TMPRSS3: variants seen among roughly 807,000 people sequenced by gnomAD.
TMPRSS3 encodes the protein transmembrane protease serine 3.
TMPRSS3 carries 55 observed loss-of-function variants against 59.6 expected under a neutral mutation model. The observed-to-expected ratio is 0.92, with a 90% CI of 0.74 to 1.16. The LOEUF (loss-of-function observed/expected upper bound fraction) is 1.16. Ranked by LOEUF, TMPRSS3 falls within the 50% of genes most tolerant of loss-of-function variation. The pLI is 0.00. For synonymous variants in TMPRSS3, 257 were observed against 237.7 expected (o/e 1.08, Z -0.75); for missense variants, 596 against 579.4 (o/e 1.03, Z -0.29).
chr21:42,395,314 G>A lies in TMPRSS3; in HGVS notation c.94+10C>T, dbSNP rs758465801. Reference sequence around the variant, plus strand: ...CAGAAATCACAGAGTCCTCACCTGGGTCCACTTACCTGGTGCAACAGGACT... The same window carrying A: ...CAGAAATCACAGAGTCCTCACCTGGATCCACTTACCTGGTGCAACAGGACT... On this transcript the variant is annotated intron_variant, in intron 2 of 12. Coordinates refer to ENST00000644384, the MANE Select transcript of TMPRSS3 (RefSeq NM_001256317.3). 6.2e-7 allele frequency: 1 copy of A among 1,611,646 alleles called. No individual in the cohort carries two copies. The highest frequency in any genetic ancestry group is 8.5e-7 in the Non-Finnish European group (1 of 1,178,334).
rs771866484 is a variant in TMPRSS3 at position 42,395,969 on chromosome 21, T to C, written c.-79A>G. 37 of 518,896 alleles carry C rather than the reference T, an allele frequency of 7.1e-5. No homozygotes were observed. The highest frequency in any genetic ancestry group is 1.3e-4 in the Non-Finnish European group (34 of 259,882). The allele number at this position is 518,896 out of a possible 1,614,324, so 32.1% of individuals were successfully genotyped here. ...AATTCCCGAGTCCCAAAAATGTAGA[T>C]GGCACCACGGAAGAGATAGTAGGCC... On this transcript the variant is annotated 5_prime_UTR_variant, in exon 1 of 13. Transcript: ENST00000644384.
At chr21:42,385,370 C>T (rs1458309516) in intron 6 of TMPRSS3, 39 bp downstream of exon 6, 7 of 1,612,806 alleles carry the variant, frequency 4.3e-6, no homozygotes, top group Middle Eastern at 1.7e-4. Context: ...GCAGGTGACT[C>T]GATACCTGTG....
chr21:42,380,417 G>T (rs909047035), intron 9 of TMPRSS3, among the ~76,000 whole-genome samples: 21 of 152,080 alleles, frequency 1.4e-4, no homozygotes, highest in Non-Finnish European at 2.4e-4. Flanking sequence ...CTGTAAAAGA[G>T]CCCTCCACCG....
rs1240328444 is a variant in TMPRSS3 at position 42,375,824 on chromosome 21, C to T, written c.1236G>A (p.Trp412Ter). The T allele has an allele frequency of 6.2e-7, 1 of 1,613,962 alleles. No homozygotes were observed. Among genetic ancestry groups the T allele is most frequent in the African/African-American group, 1.3e-5 (1 of 75,046 alleles). The change falls in exon 12 of 13, where the codon TGG (tryptophan) becomes TGA (stop). Residue 412 changes from tryptophan (W) to a stop codon, truncating the protein, a stop_gained. Coordinates refer to ENST00000644384, the MANE Select transcript of TMPRSS3 (RefSeq NM_001256317.3). LOFTEE classifies it high-confidence loss of function. ...CAAAGCTGGTCGCTCCCACTAACTT[C>T]CACAGCCTCCTCTCTTGACACACCA... is the stretch of plus-strand genomic sequence containing the variant. ...GPLVCQERRL[W>*]KLVGATSFGI...
At chr21:42,380,268 C>A (rs1274260929) in intron 9 of TMPRSS3, 56 bp from the exon 10 acceptor site, 1 of 1,428,820 alleles carries the variant, frequency 7.0e-7, no homozygotes, top group East Asian at 2.3e-5. Context: ...TCCGAGAAAA[C>A]AATCTCATCT....
At chr21:42,389,293 T>C (rs749487684) in intron 3 of TMPRSS3, 34 of 263,550 alleles carry the variant, frequency 1.3e-4, no homozygotes, top group Admixed American at 2.6e-4. Context: ...AAGGTGAATT[T>C]AGACTCTGGA....
At chr21:42,376,495 G>A in intron 11 of TMPRSS3, 46 bp downstream of exon 11, 1 of 1,610,208 alleles carries the variant, frequency 6.2e-7, no homozygotes, top group Non-Finnish European at 8.5e-7. Flanking sequence ...TGTCCCAAGG[G>A]CTGGGTCACC....
Position 42,372,140 on chromosome 21 carries a change from C to A in TMPRSS3, c.*622G>T, listed in dbSNP as rs1218184122. ...CTGAGTGGCTGTTGGTGGCTTTGCA[C>A]GTGAGGTCACATAACTGCTTATCTC... is the stretch of plus-strand genomic sequence containing the variant. On this transcript the variant is annotated 3_prime_UTR_variant, in exon 13 of 13. Coordinates refer to ENST00000644384, the MANE Select transcript of TMPRSS3 (RefSeq NM_001256317.3). 3 of 453,890 alleles carry A rather than the reference C, an allele frequency of 6.6e-6. No homozygotes were observed. The highest frequency in any genetic ancestry group is 2.4e-5 in the Admixed American group (1 of 42,534). The allele number at this position is 453,890 out of a possible 1,614,324, so 28.1% of individuals were successfully genotyped here.
At chr21:42,385,875 C>T (rs552763992) in intron 5 of TMPRSS3, among the ~76,000 whole-genome samples, 38 of 152,246 alleles carry the variant, frequency 2.5e-4, no homozygotes, top group African/African-American at 8.9e-4. Context: ...TTTGCTTGGC[C>T]TGAAGCAAGT....
rs1490204998 is a variant in TMPRSS3, at chr21:42,371,959, A to G, written c.*803T>C. 6.6e-6 allele frequency: 3 copies of G among 454,670 alleles called. No individual in the cohort carries two copies. The highest frequency in any genetic ancestry group is 1.3e-5 in the Non-Finnish European group (3 of 226,800). The allele number at this position is 454,670 out of a possible 1,614,324, so 28.2% of individuals were successfully genotyped here. A position where few individuals can be genotyped will look rare whatever the true frequency, so the allele number is the denominator to read the frequency against. ...GTCAAGCACCAAATGCTACAAAGAA[A>G]TCATGAAAATAGGCCTTAAACGAGT... On this transcript the variant is annotated 3_prime_UTR_variant, in exon 13 of 13. Coordinates refer to ENST00000644384, the MANE Select transcript of TMPRSS3 (RefSeq NM_001256317.3).
Position 42,388,456 on chromosome 21 carries a change from A to T in TMPRSS3, c.393T>A (p.Asp131Glu). Reference protein sequence around the residue: ...TAASWKTMCSDDWKGHYANVA... With the variant: ...TAASWKTMCSEDWKGHYANVA... ...CATTTGCGTAGTGACCCTTCCAGTC[A>T]TCGGAGCACATGGTCTTCCACGAAG... is the stretch of plus-strand genomic sequence containing the variant. The change falls in exon 5 of 13, where the codon GAT (aspartate) becomes GAA (glutamate). Residue 131 changes from aspartate (D) to glutamate (E), a missense_variant. By Grantham distance (45) the Asp-to-Glu change is conservative. Coordinates refer to ENST00000644384, the MANE Select transcript of TMPRSS3 (RefSeq NM_001256317.3). The surrounding 1 kb of genome is among the most constrained non-coding windows in gnomAD (Gnocchi z 5.1). 1 of 1,614,236 alleles carries T rather than the reference A, an allele frequency of 6.2e-7. No homozygotes were observed. The highest frequency in any genetic ancestry group is 1.1e-5 in the South Asian group (1 of 91,088).
At position 42,388,956 on chromosome 21, in the gene TMPRSS3, T is replaced by G; in HGVS notation, c.295A>C (p.Lys99Gln). The stretch of plus-strand genomic sequence containing the variant: ...CAGCGGTACTCGTCCTCCCCGTCTT[T>G]GCAATCCGAGACTCCGTCACATCGA... ...IARCDGVSDC[K>Q]DGEDEYRCVR... Residue 99 changes from lysine to glutamine, a missense_variant, in exon 4 of 13, where the codon AAA (lysine) becomes CAA (glutamine). Transcript: ENST00000644384. This position sits in a 1 kb window ranked among gnomAD's most constrained non-coding sequence, Gnocchi z 5.1. The G allele has an allele frequency of 6.2e-7, 1 of 1,614,190 alleles. No homozygotes were observed.
At chr21:42,383,272 C>T in intron 7 of TMPRSS3, 74 bp from the exon 8 acceptor site, 1 of 1,514,132 alleles carries the variant, frequency 6.6e-7, no homozygotes, top group Non-Finnish European at 9.1e-7. Flanking sequence ...CCACCATGCA[C>T]CTGCTCCTCT....
At chr21:42,391,198 T>TTTTG (rs1214274801) in intron 2 of TMPRSS3, among the ~76,000 whole-genome samples, 2 of 152,122 alleles carry the variant, frequency 1.3e-5, no homozygotes, top group Non-Finnish European at 2.9e-5. Flanking sequence ...AGATGTTGAT[T>TTTTG]TTTGTTTGTT....
At chr21:42,374,991 G>GGAGTGGGAT (rs3082130) in intron 12 of TMPRSS3, among the ~76,000 whole-genome samples, 10 of 151,488 alleles carry the variant, frequency 6.6e-5, no homozygotes, top group African/African-American at 2.4e-4. Flanking sequence ...ACCATCCCAA[G>GGAGTGGGAT]GAGAGACTTC....
intron 2 of TMPRSS3, 88 bp from the exon 3 acceptor site, chr21:42,390,125 T>A (rs947092340): frequency 3.9e-6 from 4 of 1,022,092 alleles, no homozygotes; most frequent in Admixed American, 1.9e-5. Flanking sequence ...CCTTTCCCCC[T>A]CCCCTCTTTG....
At chr21:42,383,265 C>A in intron 7 of TMPRSS3, 67 bp from the exon 8 acceptor site, 2 of 1,535,322 alleles carry the variant, frequency 1.3e-6, no homozygotes, top group Non-Finnish European at 1.8e-6. Context: ...GGTGTCACCA[C>A]CATGCACCTG....
chr21:42,389,990 A>G lies in TMPRSS3; in HGVS notation c.142T>C (p.Phe48Leu). The change falls in exon 3 of 13, where the codon TTT (phenylalanine) becomes CTT (leucine). Residue 48 changes from phenylalanine to leucine, a missense_variant. Physicochemically the swap from Phe to Leu is conservative, Grantham distance 22. Transcript: ENST00000644384. Reference sequence around the variant, plus strand: ...ATCCCAATGACGATGATTGGAAAAAACTTCAATGGCAGCAGTGACAGGATC... The same window carrying G: ...ATCCCAATGACGATGATTGGAAAAAGCTTCAATGGCAGCAGTGACAGGATC... ...AQILSLLPLKFFPIIVIGIIA... is the reference protein window; with the variant it reads ...AQILSLLPLKLFPIIVIGIIA... 6.2e-7 allele frequency: 1 copy of G among 1,614,226 alleles called. No homozygotes were observed. Among genetic ancestry groups the G allele is most frequent in the Non-Finnish European group, 8.5e-7 (1 of 1,180,038 alleles).
chr21:42,382,002 G>C (rs769068029), intron 9 of TMPRSS3, 63 bp downstream of exon 9: 1 of 1,599,716 alleles, frequency 6.3e-7, no homozygotes, highest in South Asian at 1.1e-5. Flanking sequence ...GCTTCAATGA[G>C]CAATTGCAAA....
Sources: allele counts gnomAD v4.1 joint callset (sites outside exome capture counted in the v4.1 genomes callset), GRCh38; gene constraint gnomAD v4.1.1; non-coding constraint Gnocchi (gnomAD v3.1); transcripts MANE v1.5; gene names NCBI Gene and HGNC (gene_info 2026-07-23, HGNC 2026-07-21).